The following SLIT3 variants were observed in gnomAD, a reference collection of about 807,000 sequenced individuals.
SLIT3 encodes slit guidance ligand 3, also known as slit homolog 3 protein.
In SLIT3, 68 loss-of-function variants were observed where a neutral mutation model predicts 184.0. The observed-to-expected ratio is 0.37, with a 90% CI of 0.30 to 0.45. SLIT3 has a LOEUF of 0.45. SLIT3 is among the 20% of genes least tolerant of loss of function. SLIT3 has a pLI of 1.00. For missense variants in SLIT3, 1,707 were observed against 2,026.0 expected, an observed-to-expected ratio of 0.84 and a Z score of 3.02; for synonymous variants, 831 against 828.6, an observed-to-expected ratio of 1.00 and a Z score of -0.05.
At chr5:169,144,384 T>C (rs760035551) in intron 4 of SLIT3, among the ~76,000 whole-genome samples, 2 of 152,244 alleles carry the variant, frequency 1.3e-5, no homozygotes, top group Non-Finnish European at 2.9e-5. Flanking sequence ...ATAGTCTCTG[T>C]ACTTTTCCTT....
intron 9 of SLIT3, 86 bp downstream of exon 9, chr5:168,806,360 G>T: frequency 6.8e-7 from 1 of 1,465,938 alleles, no homozygotes; most frequent in Non-Finnish European, 9.5e-7. Flanking sequence ...AGCCCCACAC[G>T]CTGATGGCCT....
At chr5:168,688,547 C>T (rs1007362586) in intron 29 of SLIT3, among the ~76,000 whole-genome samples, 3 of 152,150 alleles carry the variant, frequency 2.0e-5, no homozygotes, top group Non-Finnish European at 4.4e-5. Context: ...AGGTAAGACA[C>T]GGAGGGGGTG....
rs10039811 is a variant in SLIT3, at chr5:168,749,797, A to G, written c.1974-162T>C. ...AGTCTCTGTGAGGGTCTCATTCCAG[A>G]CCCTCGCCTCTGATGGATGTGGCTG... is the stretch of plus-strand genomic sequence containing the variant. On this transcript the variant is annotated intron_variant, in intron 18 of 35. Coordinates refer to ENST00000519560, the MANE Select transcript of SLIT3 (RefSeq NM_003062.4). Among the ~76,000 whole-genome samples the G allele has an allele frequency of 2.0e-3, 300 of 151,884 alleles. 1 individual carries two copies. Among genetic ancestry groups the G allele is most frequent in the African/African-American group, 7.0e-3 (289 of 41,410 alleles).
intron 4 of SLIT3, chr5:168,993,054 C>G (rs533615043): frequency 6.6e-6 from 1 of 152,250 alleles, no homozygotes; most frequent in African/African-American, 2.4e-5. Flanking sequence ...CTTCATGGGC[C>G]TCAGTAGGTA....
At chr5:169,260,154 TA>T (rs540605985) in intron 1 of SLIT3, among the ~76,000 whole-genome samples, 85 of 147,562 alleles carry the variant, frequency 5.8e-4, no homozygotes, top group Non-Finnish European at 6.9e-4. Flanking sequence ...TAAACAACTT[TA>T]AAAAAAAAAA....
intron 4 of SLIT3, among the ~76,000 whole-genome samples, chr5:169,025,585 A>G (rs1756786921): frequency 6.6e-6 from 1 of 152,246 alleles, no homozygotes; most frequent in South Asian, 2.1e-4. Flanking sequence ...AAGACGAGGC[A>G]TATAGAAAAC....
intron 6 of SLIT3, among the ~76,000 whole-genome samples, chr5:168,839,828 G>A (rs1000183894): frequency 9.2e-5 from 14 of 152,282 alleles, no homozygotes; most frequent in South Asian, 2.1e-4. Flanking sequence ...TGCCCAATGC[G>A]GACAGAAACA....
At chr5:168,924,853 T>C (rs1018897646) in intron 4 of SLIT3, among the ~76,000 whole-genome samples, 1 of 152,120 alleles carries the variant, frequency 6.6e-6, no homozygotes, top group East Asian at 1.9e-4. Context: ...GGCAAAGTTG[T>C]TTTCTTCAAG....
rs1178352819 is a variant in SLIT3 at position 168,665,259 on chromosome 5, A to T, written c.*1195T>A. On this transcript the variant is annotated 3_prime_UTR_variant, in exon 36 of 36. Coordinates refer to ENST00000519560, the MANE Select transcript of SLIT3 (RefSeq NM_003062.4). ...AGATAAAATAAGGTAAAGTTTGGAT[A>T]TGCATTGGAAAGTGTCACAGATGGG... 5 of 152,210 alleles carry T rather than the reference A, an allele frequency of 3.3e-5. No homozygotes were observed. The highest frequency in any genetic ancestry group is 5.9e-5 in the Non-Finnish European group (4 of 68,050). The allele number at this position is 152,210 out of a possible 1,614,324, so 9.4% of individuals were successfully genotyped here.
At chr5:168,840,341 C>A (rs1231803731) in intron 6 of SLIT3, among the ~76,000 whole-genome samples, 1 of 152,138 alleles carries the variant, frequency 6.6e-6, no homozygotes, top group Non-Finnish European at 1.5e-5. Context: ...TTTTTATTCT[C>A]CCATAATACT....
At chr5:169,067,653 G>A (rs1443083843) in intron 4 of SLIT3, among the ~76,000 whole-genome samples, 1 of 152,170 alleles carries the variant, frequency 6.6e-6, no homozygotes, top group East Asian at 1.9e-4. Flanking sequence ...GTGACCTAAA[G>A]ATACTTGGGG....
chr5:168,757,519 C>T (rs534507825), intron 16 of SLIT3, among the ~76,000 whole-genome samples: 21 of 151,780 alleles, frequency 1.4e-4, no homozygotes, highest in East Asian at 7.8e-4. Context: ...CTGGAAGCTC[C>T]GCCTCCCAGG....
intron 4 of SLIT3, among the ~76,000 whole-genome samples, chr5:169,051,016 C>T (rs1231340996): frequency 6.6e-6 from 1 of 152,148 alleles, no homozygotes; most frequent in East Asian, 1.9e-4. Context: ...ACGTCACTAG[C>T]AAACCATCAA....
In SLIT3 at chr5:168,824,036, C is replaced by T. The variant is rs535227460; in HGVS notation, c.558-705G>A. ...CGATCTCAGCTCACTGCAACCTCCG[C>T]CTCCCGAGTTCAAGCGATTCTCCTG... On this transcript the variant is annotated intron_variant, in intron 6 of 35. Coordinates refer to ENST00000519560, the MANE Select transcript of SLIT3 (RefSeq NM_003062.4). Among the ~76,000 whole-genome samples, 9 of 152,316 alleles carry T rather than the reference C, an allele frequency of 5.9e-5. No individual in the cohort carries two copies. In the East Asian group the frequency reaches 1.7e-3, roughly 29 times the overall value.
At chr5:168,942,531 A>G (rs1463800359) in intron 4 of SLIT3, among the ~76,000 whole-genome samples, 1 of 152,246 alleles carries the variant, frequency 6.6e-6, no homozygotes, top group African/African-American at 2.4e-5. Context: ...AGGGGTAGAC[A>G]GAATCATTAG....
At chr5:168,900,855 C>T (rs1760841733) in intron 4 of SLIT3, among the ~76,000 whole-genome samples, 1 of 152,156 alleles carries the variant, frequency 6.6e-6, no homozygotes, top group Admixed American at 6.5e-5. Context: ...TGAAACAAGT[C>T]AGACATGGAC....
chr5:169,049,416 C>T (rs2113054573), intron 4 of SLIT3, among the ~76,000 whole-genome samples: 1 of 152,218 alleles, frequency 6.6e-6, no homozygotes, highest in Admixed American at 6.5e-5. Flanking sequence ...TTCGATGTTG[C>T]TTTGCTTAAC....
intron 4 of SLIT3, among the ~76,000 whole-genome samples, chr5:169,008,079 A>G (rs1755998092): frequency 6.6e-6 from 1 of 152,208 alleles, no homozygotes; most frequent in Non-Finnish European, 1.5e-5. Context: ...TCCCAGCTCT[A>G]TGTGGCTCTT....
intron 4 of SLIT3, among the ~76,000 whole-genome samples, chr5:168,925,174 T>C (rs147478201): frequency 6.6e-6 from 1 of 152,328 alleles, no homozygotes; most frequent in East Asian, 1.9e-4. Flanking sequence ...CATCTGTCAA[T>C]TCTGTAGCAA....
Sources: gnomAD v4.1 joint callset for allele counts (sites outside exome capture counted in the v4.1 genomes callset) on GRCh38, gnomAD v4.1.1 for gene constraint, MANE v1.5 for transcripts, NCBI Gene and HGNC (gene_info 2026-07-23, HGNC 2026-07-21) for gene names.